NEGR1: variants seen among roughly 807,000 people sequenced by gnomAD.
NEGR1 encodes the protein IgLON family member 4.
A neutral mutation model predicts 40.9 loss-of-function variants in NEGR1; 10 were observed. The ratio of observed to expected loss-of-function variants is 0.24; its 90% confidence interval spans 0.15 to 0.42. The LOEUF (loss-of-function observed/expected upper bound fraction) is 0.42. Ranked by LOEUF, NEGR1 falls within the 10% of genes least tolerant of loss-of-function variation. The pLI is 1.00. For missense variants in NEGR1, 352 were observed against 438.9 expected, an observed-to-expected ratio of 0.80 and a Z score of 1.77; for synonymous variants, 185 against 166.8, an observed-to-expected ratio of 1.11 and a Z score of -0.84.
chr1:71,873,653 T>C (rs1660343640), intron 2 of NEGR1, among the ~76,000 whole-genome samples: 1 of 152,230 alleles, frequency 6.6e-6, no homozygotes, highest in Non-Finnish European at 1.5e-5. Context: ...TAACTTTTTC[T>C]AGTTTTCCTC....
chr1:71,945,922 G>GT (rs1461861334), intron 1 of NEGR1, among the ~76,000 whole-genome samples: 1 of 152,142 alleles, frequency 6.6e-6, no homozygotes, highest in Non-Finnish European at 1.5e-5. Flanking sequence ...TTATTACAAT[G>GT]TTTTATAGGT....
intron 1 of NEGR1, among the ~76,000 whole-genome samples, chr1:72,192,668 A>C (rs1570103535): frequency 6.6e-6 from 1 of 152,016 alleles, no homozygotes; most frequent in Non-Finnish European, 1.5e-5. Flanking sequence ...TTAAGCTTCC[A>C]ATATTCCATG....
intron 1 of NEGR1, among the ~76,000 whole-genome samples, chr1:72,164,984 A>AT (rs1012589816): frequency 6.6e-5 from 10 of 151,330 alleles, no homozygotes; most frequent in South Asian, 2.1e-4. Flanking sequence ...ACCCTTGATA[A>AT]TTTTTTTTTC....
intron 6 of NEGR1, among the ~76,000 whole-genome samples, chr1:71,455,011 C>G (rs1187128388): frequency 1.3e-5 from 2 of 152,134 alleles, no homozygotes; most frequent in East Asian, 3.9e-4. Context: ...GGGATGGGCA[C>G]AGATGTAAGT....
chr1:71,865,339 T>C (rs1225126857), intron 2 of NEGR1, among the ~76,000 whole-genome samples: 1 of 152,136 alleles, frequency 6.6e-6, no homozygotes, highest in Non-Finnish European at 1.5e-5. Flanking sequence ...CCAACCAAAA[T>C]GCCCATCAAT....
chr1:72,092,110 A>C (rs1188426764), intron 1 of NEGR1, among the ~76,000 whole-genome samples: 2 of 149,774 alleles, frequency 1.3e-5, no homozygotes, highest in African/African-American at 4.9e-5. Flanking sequence ...AGTGTAAGTG[A>C]GTAGTGGTGG....
intron 2 of NEGR1, among the ~76,000 whole-genome samples, chr1:71,869,660 G>T (rs1180737023): frequency 6.6e-6 from 1 of 151,996 alleles, no homozygotes; most frequent in Non-Finnish European, 1.5e-5. Flanking sequence ...AACAATATTT[G>T]TATAGATAAA....
intron 2 of NEGR1, among the ~76,000 whole-genome samples, chr1:71,777,579 A>T (rs1656556064): frequency 6.6e-6 from 1 of 152,062 alleles, no homozygotes; most frequent in Non-Finnish European, 1.5e-5. Flanking sequence ...CCCCTTGGTA[A>T]TCATTAGAAA....
chr1:71,467,491 G>T (rs1361531775), intron 6 of NEGR1, among the ~76,000 whole-genome samples: 2 of 151,782 alleles, frequency 1.3e-5, no homozygotes, highest in Non-Finnish European at 2.9e-5. Flanking sequence ...TTTAAAAAGA[G>T]GTTTTTAATA....
intron 1 of NEGR1, among the ~76,000 whole-genome samples, chr1:72,223,380 G>A (rs1654074112): frequency 6.6e-6 from 1 of 152,176 alleles, no homozygotes; most frequent in Non-Finnish European, 1.5e-5. Context: ...CTGATTTGCA[G>A]AAAAGCTTAG....
chr1:71,649,068 T>C (rs11578555), intron 4 of NEGR1, among the ~76,000 whole-genome samples: 9,043 of 152,168 alleles, frequency 0.059, 359 homozygotes, highest in Non-Finnish European at 0.087. Context: ...GTTATTGATG[T>C]ATATGTAGAA....
chr1:71,842,278 T>TC (rs1659269566), intron 2 of NEGR1, among the ~76,000 whole-genome samples: 4 of 152,146 alleles, frequency 2.6e-5, no homozygotes, highest in Admixed American at 1.3e-4. Context: ...GAAAGTGTCT[T>TC]CCCTGGTGAT....
At chr1:71,930,416 A>C (rs1317818174) in intron 2 of NEGR1, among the ~76,000 whole-genome samples, 1 of 152,140 alleles carries the variant, frequency 6.6e-6, no homozygotes, top group Non-Finnish European at 1.5e-5. Context: ...CTTAGAAATA[A>C]ATTTTTGACA....
At chr1:71,721,427 G>C (rs1654507703) in intron 3 of NEGR1, among the ~76,000 whole-genome samples, 1 of 152,110 alleles carries the variant, frequency 6.6e-6, no homozygotes, top group African/African-American at 2.4e-5. Flanking sequence ...TAAAAGCTGG[G>C]AATATAAGGG....
At chr1:71,620,298 G>A (rs1025926942) in intron 4 of NEGR1, among the ~76,000 whole-genome samples, 1 of 151,992 alleles carries the variant, frequency 6.6e-6, no homozygotes, top group African/African-American at 2.4e-5. Flanking sequence ...TGAAAACGCT[G>A]TGGAAAATAA....
chr1:71,619,638 A>G (rs1650550887), intron 4 of NEGR1, among the ~76,000 whole-genome samples: 1 of 152,098 alleles, frequency 6.6e-6, no homozygotes, highest in Non-Finnish European at 1.5e-5. Flanking sequence ...GAGTAAGAGC[A>G]AGGAACAGAT....
intron 6 of NEGR1, among the ~76,000 whole-genome samples, chr1:71,460,621 A>G (rs1236692877): frequency 1.3e-5 from 2 of 152,168 alleles, no homozygotes; most frequent in Non-Finnish European, 2.9e-5. Context: ...GGGCTTCTCA[A>G]TAAGTATTAG....
At chr1:71,986,301 C>T (rs1349420311) in intron 1 of NEGR1, among the ~76,000 whole-genome samples, 3 of 152,180 alleles carry the variant, frequency 2.0e-5, no homozygotes, top group African/African-American at 7.2e-5. Flanking sequence ...ATATGTTCCA[C>T]ACAATAGTGC....
intron 4 of NEGR1, among the ~76,000 whole-genome samples, chr1:71,688,323 T>G (rs58265680): frequency 8.9e-6 from 1 of 112,866 alleles, no homozygotes; most frequent in East Asian, 2.5e-4. Flanking sequence ...TATATATATA[T>G]ATATAGATAG....
Sources: gnomAD v4.1 joint callset for allele counts (sites outside exome capture counted in the v4.1 genomes callset) on GRCh38, gnomAD v4.1.1 for gene constraint, MANE v1.5 for transcripts, NCBI Gene and HGNC (gene_info 2026-07-23, HGNC 2026-07-21) for gene names.